ARHGAP24: variants seen among roughly 807,000 people sequenced by gnomAD.
The protein encoded by ARHGAP24 is Rho GTPase activating protein 24, also known as rho GTPase-activating protein 24.
Under a neutral mutation model 76.4 loss-of-function variants are expected in ARHGAP24, and 50 were observed. The ratio of observed to expected loss-of-function variants is 0.65; its 90% CI spans 0.52 to 0.83. ARHGAP24 has a LOEUF of 0.83. ARHGAP24 is among the 40% of genes least tolerant of loss of function. ARHGAP24 has a pLI of 0.00. For missense variants in ARHGAP24, 930 were observed against 914.2 expected (o/e 1.02, Z -0.22); for synonymous variants, 345 against 323.3 (o/e 1.07, Z -0.72).
At chr4:85,689,498 G>A (rs2110016499) in intron 2 of ARHGAP24, among the ~76,000 whole-genome samples, 1 of 152,100 alleles carries the variant, frequency 6.6e-6, no homozygotes, top group South Asian at 2.1e-4. Context: ...GTGATTATTG[G>A]TCCTTAGCCT....
chr4:85,901,051 A>G (rs1014573473), intron 3 of ARHGAP24, among the ~76,000 whole-genome samples: 1 of 152,198 alleles, frequency 6.6e-6, no homozygotes, highest in African/African-American at 2.4e-5. Flanking sequence ...TACATAACAT[A>G]GATATTTTAT....
chr4:85,860,251 G>C (rs773221512), intron 3 of ARHGAP24, among the ~76,000 whole-genome samples: 1 of 151,760 alleles, frequency 6.6e-6, no homozygotes, highest in Non-Finnish European at 1.5e-5. Flanking sequence ...AATGTGTAGA[G>C]AGATGGGGGA....
chr4:85,551,694 ATTTTGGAACTC>A (rs1726147385), intron 1 of ARHGAP24, among the ~76,000 whole-genome samples: 2 of 152,124 alleles, frequency 1.3e-5, no homozygotes, highest in Non-Finnish European at 2.9e-5. Context: ...TACCGATTCA[ATTTTGGAACTC>A]ATTATTGGTC....
At chr4:85,612,510 A>G (rs1720428194) in intron 2 of ARHGAP24, among the ~76,000 whole-genome samples, 2 of 152,074 alleles carry the variant, frequency 1.3e-5, no homozygotes, top group Admixed American at 6.6e-5. Context: ...ATATTTAAAT[A>G]TTATCTTATT....
chr4:85,856,799 A>G (rs1731602021), intron 3 of ARHGAP24, among the ~76,000 whole-genome samples: 1 of 151,920 alleles, frequency 6.6e-6, no homozygotes, highest in Non-Finnish European at 1.5e-5. Flanking sequence ...AAGTGAAAGG[A>G]CCCTTCTAGT....
chr4:85,908,198 A>G (rs763493332), intron 3 of ARHGAP24, among the ~76,000 whole-genome samples: 15 of 152,328 alleles, frequency 9.8e-5, no homozygotes, highest in Non-Finnish European at 1.9e-4. Context: ...CCCTGATAAC[A>G]TAAGTCAATA....
At chr4:85,816,638 ATATATG>A (rs1729252016) in intron 3 of ARHGAP24, among the ~76,000 whole-genome samples, 1 of 152,196 alleles carries the variant, frequency 6.6e-6, no homozygotes, top group South Asian at 2.1e-4. Flanking sequence ...TTTGGTATAC[ATATATG>A]TATAACACAT....
chr4:85,672,497 T>C (rs112132057), intron 2 of ARHGAP24, among the ~76,000 whole-genome samples: 4,461 of 152,292 alleles, frequency 0.029, 203 homozygotes, highest in African/African-American at 0.1. Context: ...CGTCCCATCC[T>C]ACCTTTGGTT....
intron 4 of ARHGAP24, among the ~76,000 whole-genome samples, chr4:85,934,887 C>T (rs1287238677): frequency 6.6e-6 from 1 of 152,306 alleles, no homozygotes; most frequent in Non-Finnish European, 1.5e-5. Flanking sequence ...GTGCTTTATA[C>T]GCGTTTGTAG....
chr4:85,706,237 A>G (rs1384694654), intron 2 of ARHGAP24, among the ~76,000 whole-genome samples: 1 of 152,188 alleles, frequency 6.6e-6, no homozygotes, highest in African/African-American at 2.4e-5. Flanking sequence ...TGGACCTCCA[A>G]TCTGTTAAAT....
At chr4:85,636,565 C>T (rs1721314412) in intron 2 of ARHGAP24, among the ~76,000 whole-genome samples, 1 of 151,910 alleles carries the variant, frequency 6.6e-6, no homozygotes, top group Admixed American at 6.6e-5. Context: ...TACACACACA[C>T]ACACAGACAC....
chr4:85,971,188 C>T (rs951855412), intron 5 of ARHGAP24, among the ~76,000 whole-genome samples: 6 of 152,146 alleles, frequency 3.9e-5, no homozygotes, highest in African/African-American at 1.2e-4. Context: ...AAATTTATAG[C>T]ATGTCACGCT....
chr4:85,897,022 C>T (rs1734218081), intron 3 of ARHGAP24, among the ~76,000 whole-genome samples: 1 of 152,140 alleles, frequency 6.6e-6, no homozygotes. Flanking sequence ...GCACGTGCAG[C>T]ATACTGAGAA....
intron 3 of ARHGAP24, among the ~76,000 whole-genome samples, chr4:85,839,722 T>TA (rs1187884535): frequency 6.6e-6 from 1 of 152,142 alleles, no homozygotes; most frequent in Non-Finnish European, 1.5e-5. Flanking sequence ...GTGCTGGGAT[T>TA]ACAGGAATTC....
intron 3 of ARHGAP24, among the ~76,000 whole-genome samples, chr4:85,810,054 G>T (rs1315842732): frequency 6.6e-6 from 1 of 152,072 alleles, no homozygotes. Context: ...ATCTTTCAAG[G>T]CTGTCGAGAG....
chr4:85,501,535 G>C (rs919461251), intron 1 of ARHGAP24, among the ~76,000 whole-genome samples: 1 of 152,196 alleles, frequency 6.6e-6, no homozygotes, highest in Admixed American at 6.5e-5. Context: ...TTTGAGAAGT[G>C]TCTGTTCATA....
At chr4:85,506,888 A>G (rs1465585478) in intron 1 of ARHGAP24, among the ~76,000 whole-genome samples, 2 of 21,616 alleles carry the variant, frequency 9.3e-5, no homozygotes, top group Non-Finnish European at 2.2e-4. Context: ...AATGGGATCT[A>G]AGCCTTTTTT....
At chr4:85,718,667 T>C (rs1361421597) in intron 2 of ARHGAP24, among the ~76,000 whole-genome samples, 1 of 152,170 alleles carries the variant, frequency 6.6e-6, no homozygotes, top group Non-Finnish European at 1.5e-5. Flanking sequence ...TGTTTGTCAA[T>C]TACAGCATAT....
chr4:85,513,225 A>G (rs1362511030), intron 1 of ARHGAP24, among the ~76,000 whole-genome samples: 1 of 152,242 alleles, frequency 6.6e-6, no homozygotes, highest in Non-Finnish European at 1.5e-5. Context: ...TTTGTTTGGT[A>G]CAGTCACCAA....
Sources: allele counts gnomAD v4.1 joint callset (sites outside exome capture counted in the v4.1 genomes callset), GRCh38; gene constraint gnomAD v4.1.1; transcripts MANE v1.5; gene names NCBI Gene and HGNC (gene_info 2026-07-23, HGNC 2026-07-21).